The following ABRAXAS1 variants were observed in gnomAD, a reference collection of about 807,000 sequenced individuals.
The protein encoded by ABRAXAS1 is BRCA1-A complex subunit Abraxas 1.
A neutral mutation model predicts 38.4 loss-of-function variants in ABRAXAS1; 26 were observed. That is an observed-to-expected ratio of 0.68 (90% CI 0.50 to 0.94). The LOEUF is 0.94. ABRAXAS1 is among the 40% of genes least tolerant of loss of function. The probability of loss-of-function intolerance (pLI) is 0.00; values close to 1 mark genes in which losing one functional copy is unlikely to be tolerated. For synonymous variants in ABRAXAS1, 144 were observed against 165.5 expected, an observed-to-expected ratio of 0.87 and a Z score of 1.00; for missense variants, 438 against 481.9, an observed-to-expected ratio of 0.91 and a Z score of 0.85.
At position 83,462,238 on chromosome 4, in the gene ABRAXAS1, C is replaced by T; in HGVS notation, c.*231G>A. The T allele has an allele frequency of 1.2e-5, 6 of 480,096 alleles. No homozygotes were observed. In the South Asian group the frequency reaches 1.5e-4, roughly 12 times the overall value. The allele number at this position is 480,096 out of a possible 1,614,324, so 29.7% of individuals were successfully genotyped here. ...AATGTGTCTGTGTAAGCCTTCCCCT[C>T]AACAACTTAGTGAAAGGTGAAAAAA... On this transcript the variant is annotated 3_prime_UTR_variant, in exon 9 of 9. Transcript: ENST00000321945.
intron 2 of ABRAXAS1, chr4:83,477,715 T>C (rs1722834096): frequency 1.6e-6 from 1 of 627,248 alleles, no homozygotes; most frequent in African/African-American, 1.8e-5. Context: ...GGATGTTTCA[T>C]GCTTTGTTTT....
chr4:83,484,295 C>CT lies in ABRAXAS1; in HGVS notation c.87+690dup, dbSNP rs1240239058. On this transcript the variant is annotated intron_variant, in intron 1 of 8. Coordinates refer to ENST00000321945, the MANE Select transcript of ABRAXAS1 (RefSeq NM_139076.3). Reference sequence around the variant, plus strand: ...ACAGCAGGGAAGTGTATTTCAGATGCTTAGACTTTCTTTCTGCAAGTTACT... The same window carrying CT: ...ACAGCAGGGAAGTGTATTTCAGATGCTTTAGACTTTCTTTCTGCAAGTTACT... 4.0e-6 allele frequency: 3 copies of CT among 752,930 alleles called. No homozygotes were observed. In the African/African-American group the frequency reaches 5.7e-5, roughly 14 times the overall value. The allele number at this position is 752,930 out of a possible 1,614,324, so 46.6% of individuals were successfully genotyped here.
intron 3 of ABRAXAS1, 136 bp downstream of exon 3, chr4:83,476,506 TA>T (rs1214748094): frequency 5.9e-6 from 3 of 511,394 alleles, no homozygotes; most frequent in African/African-American, 1.9e-5. Flanking sequence ...TTCAGCTATT[TA>T]AAAAAAACTT....
At chr4:83,484,866 C>T in intron 1 of ABRAXAS1, 120 bp downstream of exon 1, 1 of 788,988 alleles carries the variant, frequency 1.3e-6, no homozygotes, top group East Asian at 3.3e-5. Context: ...GCCGCGACCG[C>T]AGGGAGGAGG....
At chr4:83,476,828 A>T (rs1258673682) in intron 2 of ABRAXAS1, 149 bp from the exon 3 acceptor site, 9 of 563,014 alleles carry the variant, frequency 1.6e-5, no homozygotes, top group Non-Finnish European at 2.9e-5. Flanking sequence ...GACATATACT[A>T]TCATTATTCC....
intron 7 of ABRAXAS1, chr4:83,466,963 T>C: frequency 6.5e-6 from 1 of 153,366 alleles, no homozygotes; most frequent in Non-Finnish European, 1.5e-5. Flanking sequence ...CAAGATAAAA[T>C]GTGAGCAAGA....
chr4:83,474,826 G>A (rs1722709880), intron 3 of ABRAXAS1, among the ~76,000 whole-genome samples: 1 of 152,094 alleles, frequency 6.6e-6, no homozygotes, highest in Admixed American at 6.5e-5. Flanking sequence ...GGAAGAAACT[G>A]CATAGTATGA....
At chr4:83,464,391 T>A (rs1302996313) in intron 7 of ABRAXAS1, among the ~76,000 whole-genome samples, 3 of 152,186 alleles carry the variant, frequency 2.0e-5, no homozygotes, top group Non-Finnish European at 4.4e-5. Flanking sequence ...TTTAAAAGTA[T>A]GAATACCAGT....
In ABRAXAS1 at chr4:83,463,479, GTGT is replaced by G. The variant is rs1722226324; in HGVS notation, c.796+12_796+14del. The G allele has an allele frequency of 6.6e-7, 1 of 1,508,172 alleles. No homozygotes were observed. Among genetic ancestry groups the G allele is most frequent in the East Asian group, 2.3e-5 (1 of 44,034 alleles). The allele number at this position is 1,508,172 out of a possible 1,614,324, so 93.4% of individuals were successfully genotyped here. On this transcript the variant is annotated intron_variant, in intron 8 of 8. Coordinates refer to ENST00000321945, the MANE Select transcript of ABRAXAS1 (RefSeq NM_139076.3). ...AATTTTTAGCACAGAAAGTAGAGATGTGTTGTTTACTTACTTGCTGCCTGAATC... is the reference window on the plus strand; with the variant it reads ...AATTTTTAGCACAGAAAGTAGAGATGTGTTTACTTACTTGCTGCCTGAATC...
intron 7 of ABRAXAS1, among the ~76,000 whole-genome samples, chr4:83,466,539 G>GTT (rs201346324): frequency 0.018 from 2,671 of 145,332 alleles, 67 homozygotes; most frequent in African/African-American, 0.042. Flanking sequence ...ATTTCCACTA[G>GTT]TTTTTTTTTT....
chr4:83,462,818 A>G lies in ABRAXAS1; in HGVS notation c.881T>C (p.Leu294Pro). ...TTTTAAAGACATAACACATGAATGA[A>G]GAAATTCAGAATTTGGAAAAAAGGT... ...LRTFFPNSEF[L>P]HSCVMSLKNR... Residue 294 changes from leucine to proline, a missense_variant, in exon 9 of 9, where the codon CTT becomes CCT. Physicochemically the swap from Leu to Pro is moderately conservative, Grantham distance 98 (BLOSUM62 -3). Around this residue, in one of 3 missense-constraint regions of ABRAXAS1, gnomAD observed 184 missense variants for 181.9 expected, o/e 1.01. Transcript: ENST00000321945. The G allele has an allele frequency of 6.2e-7, 1 of 1,611,810 alleles. No homozygotes were observed. Among genetic ancestry groups the G allele is most frequent in the South Asian group, 1.1e-5 (1 of 90,224 alleles).
chr4:83,461,784 G>A lies in ABRAXAS1; in HGVS notation c.*685C>T, dbSNP rs1722128209. On this transcript the variant is annotated 3_prime_UTR_variant, in exon 9 of 9. Transcript: ENST00000321945. ...AAATGATAGATTTGCTAAATTTCAT[G>A]CAAAGGACTCTAAACTAGGGGAGAG... is the stretch of plus-strand genomic sequence containing the variant. 1 of 228,292 alleles carries A rather than the reference G, an allele frequency of 4.4e-6. No individual in the cohort carries two copies. The highest frequency in any genetic ancestry group is 8.7e-6 in the Non-Finnish European group (1 of 115,206). The allele number at this position is 228,292 out of a possible 1,614,324, so 14.1% of individuals were successfully genotyped here. A position where few individuals can be genotyped will look rare whatever the true frequency, so the allele number is the denominator to read the frequency against.
chr4:83,467,271 A>G lies in ABRAXAS1; in HGVS notation c.681+183T>C, dbSNP rs1191946490. 1.2e-5 allele frequency: 6 copies of G among 494,512 alleles called. No individual in the cohort carries two copies. The Admixed American group carries it at 1.3e-4, about 11-fold the overall frequency. The allele number at this position is 494,512 out of a possible 1,614,324, so 30.6% of individuals were successfully genotyped here. On this transcript the variant is annotated intron_variant, in intron 7 of 8. Transcript: ENST00000321945. ...AAAATACATATAGGTTTGTGTAAGT[A>G]TATGTTTGCACAATGATAAAACTGC...
At chr4:83,476,542 T>C (rs1722777247) in intron 3 of ABRAXAS1, 101 bp downstream of exon 3, 2 of 833,076 alleles carry the variant, frequency 2.4e-6, no homozygotes, top group Non-Finnish European at 3.9e-6. Flanking sequence ...TACCACCATG[T>C]ATAGGTTATA....
At position 83,460,883 on chromosome 4, in the gene ABRAXAS1, G is replaced by C; in HGVS notation, c.*1586C>G. On this transcript the variant is annotated 3_prime_UTR_variant, in exon 9 of 9. Coordinates refer to ENST00000321945, the MANE Select transcript of ABRAXAS1 (RefSeq NM_139076.3). ...AGAGCACCACTGTACTCCAGCCTGGGTGACACAGGGAGACTCCATCTCAAA... is the reference window on the plus strand; with the variant it reads ...AGAGCACCACTGTACTCCAGCCTGGCTGACACAGGGAGACTCCATCTCAAA... 1 of 1,099,518 alleles carries C rather than the reference G, an allele frequency of 9.1e-7. No homozygotes were observed. The highest frequency in any genetic ancestry group is 2.4e-5 in the East Asian group (1 of 41,334). The allele number at this position is 1,099,518 out of a possible 1,614,324, so 68.1% of individuals were successfully genotyped here.
At chr4:83,468,882 A>G in intron 6 of ABRAXAS1, 150 bp downstream of exon 6, 1 of 834,316 alleles carries the variant, frequency 1.2e-6, no homozygotes, top group Non-Finnish European at 1.9e-6. Flanking sequence ...CACAAGCAGT[A>G]ACAGGAGTAT....
In ABRAXAS1 at chr4:83,460,978, T is replaced by C. The variant is rs1183925152; in HGVS notation, c.*1491A>G. On this transcript the variant is annotated 3_prime_UTR_variant, in exon 9 of 9. Coordinates refer to ENST00000321945, the MANE Select transcript of ABRAXAS1 (RefSeq NM_139076.3). ...GAAAGCTTTTTATTTTACAGGTCTT[T>C]GTGGGAAGAAACAGAAAGAAATCAC... 4 of 1,604,676 alleles carry C rather than the reference T, an allele frequency of 2.5e-6. No individual in the cohort carries two copies. The highest frequency in any genetic ancestry group is 3.4e-6 in the Non-Finnish European group (4 of 1,177,622).
intron 1 of ABRAXAS1, chr4:83,484,095 T>C (rs765913726): frequency 9.9e-5 from 93 of 940,322 alleles, no homozygotes; most frequent in Non-Finnish European, 1.1e-4. Flanking sequence ...CTCGAACTCG[T>C]GGGCTCAGGT....
intron 2 of ABRAXAS1, chr4:83,480,096 TG>T (rs1166144415): frequency 5.7e-5 from 13 of 228,188 alleles, no homozygotes; most frequent in Non-Finnish European, 1.1e-4. Flanking sequence ...TGGCCGGGCA[TG>T]GTGGCTCACG....
Sources: gnomAD v4.1 joint callset for allele counts (sites outside exome capture counted in the v4.1 genomes callset) on GRCh38, gnomAD v4.1.1 for gene constraint, gnomAD v4.1.1 regional missense constraint, MANE v1.5 for transcripts, NCBI Gene and HGNC (gene_info 2026-07-23, HGNC 2026-07-21) for gene names.